DPT: variants seen among roughly 807,000 people sequenced by gnomAD.
DPT encodes tyrosine-rich acidic matrix protein.
In DPT, 21 loss-of-function variants were observed where a neutral mutation model predicts 31.2. That is an observed-to-expected ratio of 0.67 (90% CI 0.48 to 0.97). DPT has a LOEUF of 0.97. Among genes scored for constraint, DPT ranks in the 50% least tolerant of loss-of-function variants. DPT has a pLI of 0.00. For missense variants in DPT, 262 were observed against 258.8 expected (o/e 1.01, Z -0.08); for synonymous variants, 91 against 86.9 (o/e 1.05, Z -0.26).
At chr1:168,703,321 G>T (rs1649644000) in intron 2 of DPT, among the ~76,000 whole-genome samples, 2 of 152,172 alleles carry the variant, frequency 1.3e-5, no homozygotes, top group African/African-American at 4.8e-5. Context: ...TCTGTCTTCA[G>T]ATACTTGGAT....
At chr1:168,712,257 T>A (rs2101905624) in intron 2 of DPT, among the ~76,000 whole-genome samples, 1 of 152,146 alleles carries the variant, frequency 6.6e-6, no homozygotes. Context: ...GCCACCAACA[T>A]CCAGGCCTCC....
At chr1:168,719,624 C>A (rs961550378) in intron 1 of DPT, among the ~76,000 whole-genome samples, 1 of 151,934 alleles carries the variant, frequency 6.6e-6, no homozygotes, top group South Asian at 2.1e-4. Flanking sequence ...GAGTTTCAGG[C>A]CCCTTCATGG....
chr1:168,725,637 G>T (rs531267120), intron 1 of DPT, among the ~76,000 whole-genome samples: 243 of 152,278 alleles, frequency 1.6e-3, no homozygotes, highest in Non-Finnish European at 2.8e-3. Context: ...GTTAGTGCCA[G>T]AGACCATCAT....
intron 3 of DPT, 110 bp from the exon 4 acceptor site, chr1:168,696,725 G>A: frequency 1.0e-6 from 1 of 972,034 alleles, no homozygotes; most frequent in Non-Finnish European, 1.6e-6. Context: ...GGGAACTGAA[G>A]GGACACTTAA....
intron 1 of DPT, among the ~76,000 whole-genome samples, chr1:168,714,633 GATCTAGAATTTTAC>G (rs1279211231): frequency 6.6e-6 from 1 of 152,010 alleles, no homozygotes; most frequent in East Asian, 1.9e-4. Flanking sequence ...TAAATGGGTG[GATCTAGAATTTTAC>G]ATCTAGAATT....
chr1:168,703,657 T>C (rs1649652385), intron 2 of DPT, among the ~76,000 whole-genome samples: 10 of 152,218 alleles, frequency 6.6e-5, no homozygotes, highest in Admixed American at 6.5e-4. Context: ...TTGTTTTTGT[T>C]ATAACACCAT....
chr1:168,707,753 CT>C (rs1649755102), intron 2 of DPT, among the ~76,000 whole-genome samples: 1 of 152,308 alleles, frequency 6.6e-6, no homozygotes, highest in Admixed American at 6.5e-5. Context: ...TTATAAGGGG[CT>C]TTTCCCCCTT....
At chr1:168,710,136 T>C (rs1253151644) in intron 2 of DPT, among the ~76,000 whole-genome samples, 3 of 152,332 alleles carry the variant, frequency 2.0e-5, no homozygotes, top group Admixed American at 2.0e-4. Flanking sequence ...AATTTAAAGA[T>C]GCCACTAAAA....
At chr1:168,728,791 T>C in intron 1 of DPT, 79 bp downstream of exon 1, 2 of 1,535,116 alleles carry the variant, frequency 1.3e-6, no homozygotes, top group Non-Finnish European at 1.8e-6. Context: ...TGATATTCCT[T>C]GAGAGTCTAG....
At position 168,698,784 on chromosome 1, in the gene DPT, C is replaced by G. The variant is rs185701985; in HGVS notation, c.540-2169G>C. Among the ~76,000 whole-genome samples, 44 of 152,268 alleles carry G rather than the reference C, an allele frequency of 2.9e-4. No homozygotes were observed. The East Asian group carries it at 7.3e-3, about 25-fold the overall frequency. On this transcript the variant is annotated intron_variant, in intron 3 of 3. Transcript: ENST00000367817. ...GGAACAACAGCATTCTAAGAGGAAA[C>G]CACTATGATTTGCATGTGGAGGGAA...
intron 2 of DPT, among the ~76,000 whole-genome samples, 156 bp downstream of exon 2, chr1:168,714,065 G>C (rs1649925905): frequency 6.6e-6 from 1 of 152,180 alleles, no homozygotes; most frequent in Non-Finnish European, 1.5e-5. Context: ...CTCTTGGCGG[G>C]AACATCCTCC....
chr1:168,718,801 T>C (rs949946288), intron 1 of DPT, among the ~76,000 whole-genome samples: 1 of 152,238 alleles, frequency 6.6e-6, no homozygotes, highest in Non-Finnish European at 1.5e-5. Flanking sequence ...CTGGGATTAA[T>C]AAATTGCTTA....
chr1:168,722,289 C>T (rs950758720), intron 1 of DPT, among the ~76,000 whole-genome samples: 1 of 152,150 alleles, frequency 6.6e-6, no homozygotes, highest in Non-Finnish European at 1.5e-5. Flanking sequence ...ATAATGTACA[C>T]ATAATATTTA....
chr1:168,728,889 T>TG lies in DPT; in HGVS notation c.285dup (p.Asn96GlnfsTer60). 1 of 1,614,180 alleles carries TG rather than the reference T, an allele frequency of 6.2e-7. No homozygotes were observed. Among genetic ancestry groups the TG allele is most frequent in the Non-Finnish European group, 8.5e-7 (1 of 1,180,006 alleles). On this transcript the variant is annotated frameshift_variant, in exon 1 of 4. Transcript: ENST00000367817. LOFTEE classifies it high-confidence loss of function. ...CCTTACCATTCCATGCCAGCCCTGT[T>TG]GATCTCCTCCCACCAGCACTCCGTG...
chr1:168,728,388 TGA>T (rs1650294687), intron 1 of DPT, among the ~76,000 whole-genome samples: 1 of 152,242 alleles, frequency 6.6e-6, no homozygotes, highest in Non-Finnish European at 1.5e-5. Flanking sequence ...CCCTCCGTGC[TGA>T]GAGATCAATT....
chr1:168,714,545 T>C (rs570246060), intron 1 of DPT, among the ~76,000 whole-genome samples, 199 bp from the exon 2 acceptor site: 2 of 152,324 alleles, frequency 1.3e-5, no homozygotes, highest in South Asian at 4.1e-4. Flanking sequence ...GACTCAGAAT[T>C]TTCTAACTGA....
chr1:168,726,859 T>A (rs1211012984), intron 1 of DPT, among the ~76,000 whole-genome samples: 1 of 152,302 alleles, frequency 6.6e-6, no homozygotes, highest in African/African-American at 2.4e-5. Context: ...GGGTTTTGAA[T>A]AACTAAATCT....
At chr1:168,726,357 G>A (rs1249762596) in intron 1 of DPT, among the ~76,000 whole-genome samples, 1 of 152,202 alleles carries the variant, frequency 6.6e-6, no homozygotes, top group African/African-American at 2.4e-5. Flanking sequence ...GTCACAGTTG[G>A]CAAGTTTAAA....
At position 168,728,972 on chromosome 1, in the gene DPT, C is replaced by T. The variant is rs766920417; in HGVS notation, c.203G>A (p.Gly68Asp). Residue 68 changes from glycine (G) to aspartate (D), a missense_variant, in exon 1 of 4, where the codon GGT becomes GAT. Transcript: ENST00000367817. The stretch of plus-strand genomic sequence containing the variant: ...GGCGTAGTTCCATTGTCTGTCAGAA[C>T]CTTCCTTCTTGCTGAAGATGCTCCT... ...AVRSIFSKKE[G>D]SDRQWNYACM... 1.9e-6 allele frequency: 3 copies of T among 1,614,226 alleles called. No homozygotes were observed. Among genetic ancestry groups the T allele is most frequent in the Admixed American group, 3.3e-5 (2 of 60,032 alleles).
Sources: allele counts gnomAD v4.1 joint callset (sites outside exome capture counted in the v4.1 genomes callset), GRCh38; gene constraint gnomAD v4.1.1; transcripts MANE v1.5; gene names NCBI Gene and HGNC (gene_info 2026-07-23, HGNC 2026-07-21).